Variants in AQP7B observed in about 807,000 individuals in gnomAD.
AQP7B encodes putative aquaporin-7B.
At chr2:94,587,985 G>A in the AQP7B span, among the ~76,000 whole-genome samples, 3 of 152,078 alleles carry the variant, frequency 2.0e-5, no homozygotes, top group Non-Finnish European at 4.4e-5. Context: ...GATAAAGATA[G>A]GAGTACAAAG....
chr2:94,594,231 C>T, the AQP7B span, among the ~76,000 whole-genome samples: 2 of 152,238 alleles, frequency 1.3e-5, no homozygotes, highest in African/African-American at 4.8e-5. Context: ...TGTTTCAGCA[C>T]TCAGTGCTGT....
chr2:94,589,032 G>T, the AQP7B span, among the ~76,000 whole-genome samples: 50 of 149,230 alleles, frequency 3.4e-4, no homozygotes, highest in African/African-American at 1.2e-3. Context: ...ACCCAGGCTG[G>T]AGTGCAATAG....
chr2:94,599,242 C>T, the AQP7B span, among the ~76,000 whole-genome samples: 1 of 152,112 alleles, frequency 6.6e-6, no homozygotes, highest in Non-Finnish European at 1.5e-5. Context: ...CCTGACCTCA[C>T]TCCCCCCGGC....
chr2:94,591,166 G>A, the AQP7B span, among the ~76,000 whole-genome samples: 1 of 151,760 alleles, frequency 6.6e-6, no homozygotes, highest in African/African-American at 2.4e-5. Context: ...TCTGTGATTT[G>A]CTGTCCTCCA....
chr2:94,594,614 C>G, the AQP7B span: 1 of 641,306 alleles, frequency 1.6e-6, no homozygotes, highest in Non-Finnish European at 2.8e-6. Flanking sequence ...CCCAGCTGCC[C>G]CGGGCAAGAG....
the AQP7B span, among the ~76,000 whole-genome samples, chr2:94,591,137 C>T: frequency 2.6e-5 from 4 of 151,868 alleles, no homozygotes; most frequent in African/African-American, 9.7e-5. Flanking sequence ...CTCATCTATG[C>T]CCATGGCTCA....
chr2:94,603,889 A>C, the AQP7B span: 1 of 1,347,366 alleles, frequency 7.4e-7, no homozygotes, highest in Non-Finnish European at 1.1e-6. Flanking sequence ...GCCCCCCAGC[A>C]TCTTCACCTT....
the AQP7B span, among the ~76,000 whole-genome samples, chr2:94,588,710 G>A: frequency 6.7e-6 from 1 of 150,186 alleles, no homozygotes; most frequent in Admixed American, 6.6e-5. Context: ...CAGAAGAAAA[G>A]CATCTTCCAC....
At chr2:94,588,628 C>T in the AQP7B span, 5 of 762,848 alleles carry the variant, frequency 6.6e-6, no homozygotes, top group Admixed American at 2.2e-5. Context: ...GCTCCATCCT[C>T]AGCCTCTCCC....
chr2:94,590,224 C>A, the AQP7B span, among the ~76,000 whole-genome samples: 1 of 152,180 alleles, frequency 6.6e-6, no homozygotes, highest in African/African-American at 2.4e-5. Flanking sequence ...GTTCTGTTGC[C>A]CATGCTGAAG....
chr2:94,587,697 A>T, the AQP7B span, among the ~76,000 whole-genome samples: 1 of 152,154 alleles, frequency 6.6e-6, no homozygotes, highest in Admixed American at 6.5e-5. Context: ...ACTGGGCTGG[A>T]CTATCAGCAG....
At chr2:94,598,531 C>T in the AQP7B span, among the ~76,000 whole-genome samples, 1 of 152,172 alleles carries the variant, frequency 6.6e-6, no homozygotes. Flanking sequence ...AGCAGCAACT[C>T]TGGGCGGTGG....
the AQP7B span, among the ~76,000 whole-genome samples, chr2:94,601,497 A>G: frequency 6.6e-6 from 1 of 152,220 alleles, no homozygotes; most frequent in African/African-American, 2.4e-5. Context: ...ACCATGCCTG[A>G]AAAGACCTTT....
At chr2:94,595,022 C>T in the AQP7B span, 2 of 545,556 alleles carry the variant, frequency 3.7e-6, no homozygotes, top group Non-Finnish European at 6.6e-6. Flanking sequence ...GGAGTGGGGG[C>T]TTTCTCATCA....
the AQP7B span, among the ~76,000 whole-genome samples, chr2:94,596,188 G>A: frequency 6.6e-6 from 1 of 152,244 alleles, no homozygotes; most frequent in Non-Finnish European, 1.5e-5. Flanking sequence ...GCAACGTGGA[G>A]GTTGCTGGTA....
chr2:94,598,206 G>A, the AQP7B span, among the ~76,000 whole-genome samples: 1 of 152,198 alleles, frequency 6.6e-6, no homozygotes, highest in South Asian at 2.1e-4. Flanking sequence ...GCCAAGAAGT[G>A]AGGGCTTTTT....
the AQP7B span, among the ~76,000 whole-genome samples, chr2:94,600,459 T>G: frequency 6.6e-6 from 1 of 152,158 alleles, no homozygotes; most frequent in Non-Finnish European, 1.5e-5. Context: ...TGGCCAGGCA[T>G]GGTGGCTCAC....
At chr2:94,587,960 C>A in the AQP7B span, among the ~76,000 whole-genome samples, 1 of 151,990 alleles carries the variant, frequency 6.6e-6, no homozygotes. Flanking sequence ...TTCGGGCTAC[C>A]TTCATGCTGT....
At chr2:94,598,034 G>A in the AQP7B span, among the ~76,000 whole-genome samples, 3 of 152,146 alleles carry the variant, frequency 2.0e-5, no homozygotes, top group South Asian at 2.1e-4. Context: ...AGTTCAAGTT[G>A]CCTCTCTCAG....
Sources: allele counts gnomAD v4.1 joint callset (sites outside exome capture counted in the v4.1 genomes callset), GRCh38; gene constraint gnomAD v4.1.1; transcripts MANE v1.5; gene names NCBI Gene and HGNC (gene_info 2026-07-23, HGNC 2026-07-21).